VPS13B: variants seen among roughly 807,000 people sequenced by gnomAD.
VPS13B encodes the protein vacuolar protein sorting 13 homolog B.
A neutral mutation model predicts 426.4 loss-of-function variants in VPS13B; 285 were observed. The observed-to-expected ratio is 0.67, with a 90% CI of 0.61 to 0.74. The LOEUF is 0.74. VPS13B is among the 30% of genes least tolerant of loss of function. VPS13B has a pLI of 0.00. For missense variants in VPS13B, 4,537 were observed against 4,782.6 expected, an observed-to-expected ratio of 0.95 and a Z score of 1.51; for synonymous variants, 1,676 against 1,676.4, an observed-to-expected ratio of 1.00 and a Z score of 0.01.
At chr8:99,839,013 G>A (rs1408703693) in intron 54 of VPS13B, among the ~76,000 whole-genome samples, 5 of 152,232 alleles carry the variant, frequency 3.3e-5, no homozygotes, top group Non-Finnish European at 7.3e-5. Context: ...GCAAGGCCCC[G>A]TAGGTCCTAT....
At chr8:99,068,106 T>A (rs567379339) in intron 3 of VPS13B, among the ~76,000 whole-genome samples, 6 of 152,326 alleles carry the variant, frequency 3.9e-5, no homozygotes, top group African/African-American at 1.4e-4. Context: ...CTCTTTATCT[T>A]CTTCAGCCCA....
intron 37 of VPS13B, 38 bp from the exon 38 acceptor site, chr8:99,720,307 T>C (rs758461851): frequency 2.0e-6 from 3 of 1,530,356 alleles, no homozygotes; most frequent in Admixed American, 3.4e-5. Flanking sequence ...GAAATGTTTG[T>C]ATTTAAAAGC....
intron 33 of VPS13B, among the ~76,000 whole-genome samples, chr8:99,640,237 T>C (rs2133928787): frequency 1.3e-5 from 2 of 152,138 alleles, no homozygotes; most frequent in East Asian, 3.9e-4. Flanking sequence ...AACTTTTTCG[T>C]ACCATTTGCC....
intron 17 of VPS13B, among the ~76,000 whole-genome samples, chr8:99,267,723 CAAAAAAA>C (rs553692541): frequency 2.6e-4 from 31 of 120,944 alleles, no homozygotes; most frequent in East Asian, 9.3e-4. Flanking sequence ...GAGACTCCGT[CAAAAAAA>C]AAAAAGAAAA....
chr8:99,579,069 C>T (rs1442590642), intron 33 of VPS13B, among the ~76,000 whole-genome samples: 1 of 152,074 alleles, frequency 6.6e-6, no homozygotes, highest in Non-Finnish European at 1.5e-5. Context: ...ATGACATGAA[C>T]ATTTTTAAAT....
At chr8:99,393,408 T>G (rs1443073008) in intron 21 of VPS13B, among the ~76,000 whole-genome samples, 1 of 152,080 alleles carries the variant, frequency 6.6e-6, no homozygotes, top group African/African-American at 2.4e-5. Context: ...TTCTCATCAT[T>G]AATTACTTTA....
chr8:99,397,051 A>G (rs746491928), intron 21 of VPS13B, among the ~76,000 whole-genome samples: 38 of 152,344 alleles, frequency 2.5e-4, no homozygotes, highest in Admixed American at 4.6e-4. Context: ...TTTATATTAC[A>G]GATAATAAAA....
At chr8:99,686,406 A>G (rs1025752003) in intron 35 of VPS13B, among the ~76,000 whole-genome samples, 20 of 151,972 alleles carry the variant, frequency 1.3e-4, no homozygotes, top group Non-Finnish European at 2.9e-4. Flanking sequence ...AGGGCTCTAT[A>G]ACCTGCCAGG....
intron 33 of VPS13B, among the ~76,000 whole-genome samples, chr8:99,608,157 T>G (rs1013407230): frequency 8.6e-5 from 13 of 151,848 alleles, no homozygotes; most frequent in African/African-American, 3.1e-4. Flanking sequence ...CTACTTTTTT[T>G]TTTTTTTTTG....
At chr8:99,508,608 A>C (rs1821626844) in intron 28 of VPS13B, among the ~76,000 whole-genome samples, 1 of 152,092 alleles carries the variant, frequency 6.6e-6, no homozygotes, top group African/African-American at 2.4e-5. Context: ...TTTGTGTTGG[A>C]GGAAGTGTTT....
intron 19 of VPS13B, among the ~76,000 whole-genome samples, chr8:99,366,460 G>A (rs957564764): frequency 1.3e-5 from 2 of 148,376 alleles, no homozygotes; most frequent in Non-Finnish European, 3.0e-5. Context: ...CCTTCATTTT[G>A]TATTTGAGTG....
intron 14 of VPS13B, among the ~76,000 whole-genome samples, chr8:99,150,444 G>T (rs1175246408): frequency 6.6e-6 from 1 of 152,110 alleles, no homozygotes; most frequent in Non-Finnish European, 1.5e-5. Flanking sequence ...GGTGTTTTAT[G>T]TTCTATGAGT....
At chr8:99,666,942 A>G (rs916370050) in intron 35 of VPS13B, among the ~76,000 whole-genome samples, 11 of 152,194 alleles carry the variant, frequency 7.2e-5, no homozygotes, top group African/African-American at 2.7e-4. Flanking sequence ...TACTTTTTAC[A>G]GGAGCTGTAC....
intron 17 of VPS13B, among the ~76,000 whole-genome samples, chr8:99,237,233 A>G (rs1028629037): frequency 3.3e-5 from 5 of 152,208 alleles, no homozygotes; most frequent in Admixed American, 3.3e-4. Context: ...GACTAATACA[A>G]CACCTTAACT....
chr8:99,236,431 G>A (rs1397184886), intron 17 of VPS13B, among the ~76,000 whole-genome samples: 1 of 152,096 alleles, frequency 6.6e-6, no homozygotes, highest in Non-Finnish European at 1.5e-5. Context: ...TGTATTTTTA[G>A]TAGAGACAGG....
chr8:99,720,853 T>C lies in VPS13B; in HGVS notation c.6866-10T>C, dbSNP rs760306334. Reference sequence around the variant, plus strand: ...TAAATCATACAATTAATTATACTTTTATTTGACAGAATCTTTGAAATTGCC... The same window carrying C: ...TAAATCATACAATTAATTATACTTTCATTTGACAGAATCTTTGAAATTGCC... On this transcript the variant is annotated splice_polypyrimidine_tract_variant and intron_variant, in intron 38 of 61. Coordinates refer to ENST00000357162, the MANE Select transcript of VPS13B (RefSeq NM_152564.5). 6.2e-7 allele frequency: 1 copy of C among 1,608,462 alleles called. No homozygotes were observed. Among genetic ancestry groups the C allele is most frequent in the Non-Finnish European group, 8.5e-7 (1 of 1,176,220 alleles).
intron 22 of VPS13B, among the ~76,000 whole-genome samples, chr8:99,433,464 A>G (rs1359270828): frequency 1.3e-5 from 2 of 152,200 alleles, no homozygotes; most frequent in African/African-American, 4.8e-5. Context: ...CAATAGAATA[A>G]CACTTTTATG....
intron 15 of VPS13B, among the ~76,000 whole-genome samples, chr8:99,165,849 C>A (rs1481765297): frequency 6.6e-6 from 1 of 152,030 alleles, no homozygotes; most frequent in East Asian, 1.9e-4. Context: ...GACCAAGTGG[C>A]AAAATTGAGG....
At chr8:99,818,613 C>T in intron 46 of VPS13B, 79 bp downstream of exon 46, 1 of 1,601,552 alleles carries the variant, frequency 6.2e-7, no homozygotes, top group East Asian at 2.2e-5. Flanking sequence ...GTCAGAGTGA[C>T]CCAGGGAAGA....
Sources: gnomAD v4.1 joint callset for allele counts (sites outside exome capture counted in the v4.1 genomes callset) on GRCh38, gnomAD v4.1.1 for gene constraint, MANE v1.5 for transcripts, NCBI Gene and HGNC (gene_info 2026-07-23, HGNC 2026-07-21) for gene names.